The following MARCHF8 variants were observed in gnomAD, a reference collection of about 807,000 sequenced individuals.
MARCHF8 encodes the protein E3 ubiquitin-protein ligase MARCHF8.
Under a neutral mutation model 51.6 loss-of-function variants are expected in MARCHF8, and 40 were observed. That is an observed-to-expected ratio of 0.77 (90% confidence interval 0.60 to 1.01). The LOEUF (loss-of-function observed/expected upper bound fraction) is 1.01, where lower values mean the gene tolerates loss of function less well. Among genes scored for constraint, MARCHF8 ranks in the 50% least tolerant of loss-of-function variants. The pLI is 0.00. For synonymous variants in MARCHF8, 263 were observed against 280.3 expected, an observed-to-expected ratio of 0.94 and a Z score of 0.62; for missense variants, 685 against 708.6, an observed-to-expected ratio of 0.97 and a Z score of 0.38.
chr10:45,465,091 G>T (rs1302200019), intron 3 of MARCHF8, among the ~76,000 whole-genome samples: 1 of 152,182 alleles, frequency 6.6e-6, no homozygotes, highest in Non-Finnish European at 1.5e-5. Context: ...CTGCAGTGAG[G>T]AGAGAAATGG....
At chr10:45,545,191 C>T (rs568770032) in intron 1 of MARCHF8, among the ~76,000 whole-genome samples, 1 of 152,304 alleles carries the variant, frequency 6.6e-6, no homozygotes, top group Admixed American at 6.5e-5. Context: ...ACTTTCTCCC[C>T]TACTCAGCCG....
At chr10:45,588,771 G>T (rs1000649024) in intron 1 of MARCHF8, among the ~76,000 whole-genome samples, 1 of 151,998 alleles carries the variant, frequency 6.6e-6, no homozygotes, top group Non-Finnish European at 1.5e-5. Context: ...GGCCAAGGTG[G>T]GTGGATCACG....
rs538999551 is a variant in MARCHF8, at chr10:45,533,190, T to C, written c.22A>G (p.Ile8Val). ...GCATCCTGGGATGGAATGGCAGAGA[T>C]CTGATGCAGTGGCATGCTCATCCCA... MSMPLHQISAIPSQDAIS... is the reference protein window; with the variant it reads MSMPLHQVSAIPSQDAIS... The change falls in exon 2 of 8, where the codon ATC becomes GTC. Residue 8 changes from isoleucine to valine, a missense_variant. Coordinates refer to ENST00000453424, the MANE Select transcript of MARCHF8 (RefSeq NM_001282866.2). 4 of 1,611,804 alleles carry C rather than the reference T, an allele frequency of 2.5e-6. No homozygotes were observed. The highest frequency in any genetic ancestry group is 1.1e-5 in the South Asian group (1 of 90,728).
chr10:45,519,036 G>A (rs1393994741), intron 2 of MARCHF8, among the ~76,000 whole-genome samples: 1 of 151,974 alleles, frequency 6.6e-6, no homozygotes, highest in East Asian at 1.9e-4. Flanking sequence ...CTGGAAGGGA[G>A]TCTACACACA....
chr10:45,540,379 C>T lies in MARCHF8; in HGVS notation c.-78-7090G>A, dbSNP rs887830847. 5.9e-5 allele frequency among the ~76,000 whole-genome samples: 9 copies of T among 152,242 alleles called. No homozygotes were observed. In the South Asian group the frequency reaches 1.7e-3, roughly 28 times the overall value. On this transcript the variant is annotated intron_variant, in intron 1 of 6. Coordinates refer to the MARCHF8 transcript ENST00000319836. The stretch of plus-strand genomic sequence containing the variant: ...AGAGATATAGACCAATGGAACAGAA[C>T]AGAGCCCTCAGAAATAATGCCTTAT...
At chr10:45,555,974 A>AAT (rs2133351956) in intron 1 of MARCHF8, among the ~76,000 whole-genome samples, 1 of 152,272 alleles carries the variant, frequency 6.6e-6, no homozygotes, top group East Asian at 1.9e-4. Flanking sequence ...CCAGCGAATA[A>AAT]ATGAAAAAGG....
intron 5 of MARCHF8, among the ~76,000 whole-genome samples, chr10:45,462,626 T>C (rs2132927146): frequency 7.0e-6 from 1 of 142,708 alleles, no homozygotes; most frequent in South Asian, 2.3e-4. Flanking sequence ...TTTTTTTTGT[T>C]TTGTTTTGTT....
chr10:45,465,424 CA>C (rs1842936457), intron 3 of MARCHF8, among the ~76,000 whole-genome samples: 1 of 152,224 alleles, frequency 6.6e-6, no homozygotes, highest in Non-Finnish European at 1.5e-5. Flanking sequence ...CACCCTGGCC[CA>C]CCATTCCCTG....
intron 3 of MARCHF8, among the ~76,000 whole-genome samples, chr10:45,469,790 G>A (rs964098160): frequency 6.3e-5 from 9 of 142,888 alleles, no homozygotes; most frequent in South Asian, 2.3e-4. Context: ...GCGTGAACCC[G>A]GGAGGCGGAG....
chr10:45,467,658 TG>T lies in MARCHF8; in HGVS notation c.154-3332del, dbSNP rs1445532619. Among the ~76,000 whole-genome samples, 3 of 152,230 alleles carry T rather than the reference TG, an allele frequency of 2.0e-5. No homozygotes were observed. In the East Asian group the frequency reaches 5.8e-4, roughly 29 times the overall value. On this transcript the variant is annotated intron_variant, in intron 3 of 7. Coordinates refer to ENST00000453424, the MANE Select transcript of MARCHF8 (RefSeq NM_001282866.2). Reference sequence around the variant, plus strand: ...GCCAGCAATCCCCTCTTAGGAGCTCTGCAGGACAGAACCTTACTAGATGGGA... The same window carrying T: ...GCCAGCAATCCCCTCTTAGGAGCTCTCAGGACAGAACCTTACTAGATGGGA...
At chr10:45,494,174 C>T (rs148153418) in intron 2 of MARCHF8, among the ~76,000 whole-genome samples, 4,033 of 152,298 alleles carry the variant, frequency 0.026, 92 homozygotes, top group Non-Finnish European at 0.04. Flanking sequence ...AAGAATAAGG[C>T]ACATTTTACA....
At position 45,458,689 on chromosome 10, in the gene MARCHF8, G is replaced by A. The variant is rs543536783; in HGVS notation, c.1418-146C>T. On this transcript the variant is annotated intron_variant, in intron 7 of 7. Coordinates refer to ENST00000453424, the MANE Select transcript of MARCHF8 (RefSeq NM_001282866.2). ...GGAGTCTTGCTATGTTGCCCAGGCT[G>A]GAGTGCAGTGGCTATTCACAGGTGT... The A allele has an allele frequency of 5.0e-4, 423 of 843,958 alleles. 1 individual carries two copies. Among genetic ancestry groups the A allele is most frequent in the Non-Finnish European group, 6.8e-4 (381 of 560,118 alleles). 52.3% of individuals were successfully genotyped at this position (843,958 alleles called of 1,614,324 possible).
At chr10:45,500,758 T>C (rs1249998518) in intron 2 of MARCHF8, among the ~76,000 whole-genome samples, 1 of 152,112 alleles carries the variant, frequency 6.6e-6, no homozygotes, top group Non-Finnish European at 1.5e-5. Context: ...TGAATGCTTA[T>C]GTAGAAAATC....
chr10:45,526,938 A>T (rs1346966882), intron 2 of MARCHF8, among the ~76,000 whole-genome samples: 1 of 152,224 alleles, frequency 6.6e-6, no homozygotes, highest in Admixed American at 6.5e-5. Flanking sequence ...CTCAGACTAC[A>T]GTGGAAAAAA....
At chr10:45,527,825 T>A (rs1325937758) in intron 2 of MARCHF8, among the ~76,000 whole-genome samples, 1 of 151,900 alleles carries the variant, frequency 6.6e-6, no homozygotes, top group African/African-American at 2.4e-5. Flanking sequence ...TCAGTACCCC[T>A]AATGAACACA....
At chr10:45,488,138 C>A (rs979340235) in intron 3 of MARCHF8, among the ~76,000 whole-genome samples, 1 of 152,110 alleles carries the variant, frequency 6.6e-6, no homozygotes, top group Non-Finnish European at 1.5e-5. Context: ...AAAAAGACCA[C>A]ACCACAGGTG....
chr10:45,485,622 C>T (rs1170577975), intron 3 of MARCHF8, among the ~76,000 whole-genome samples: 2 of 152,122 alleles, frequency 1.3e-5, no homozygotes, highest in Admixed American at 1.3e-4. Context: ...CAATATGCTT[C>T]CAATACACAC....
At chr10:45,573,418 G>C (rs929088761) in intron 1 of MARCHF8, among the ~76,000 whole-genome samples, 1 of 152,146 alleles carries the variant, frequency 6.6e-6, no homozygotes, top group African/African-American at 2.4e-5. Flanking sequence ...CAGCACACAA[G>C]AACTCCAAAC....
At chr10:45,554,495 C>T (rs2044230254) in intron 1 of MARCHF8, among the ~76,000 whole-genome samples, 1 of 152,180 alleles carries the variant, frequency 6.6e-6, no homozygotes, top group African/African-American at 2.4e-5. Context: ...AGGGATAATT[C>T]CAGATCTATG....
Sources: gnomAD v4.1 joint callset for allele counts (sites outside exome capture counted in the v4.1 genomes callset) on GRCh38, gnomAD v4.1.1 for gene constraint, MANE v1.5 for transcripts, NCBI Gene and HGNC (gene_info 2026-07-23, HGNC 2026-07-21) for gene names.